The following INSR variants were observed in gnomAD, a reference collection of about 807,000 sequenced individuals.
INSR encodes the protein insulin receptor.
In INSR, 67 loss-of-function variants were observed where a neutral mutation model predicts 142.6. The observed-to-expected ratio is 0.47, with a 90% CI of 0.39 to 0.58. The LOEUF is 0.58. Ranked by LOEUF, INSR falls within the 20% of genes least tolerant of loss-of-function variation. The probability of loss-of-function intolerance (pLI) is 0.00; values close to 1 mark genes in which losing one functional copy is unlikely to be tolerated. For missense variants in INSR, 1,248 were observed against 1,833.2 expected (o/e 0.68, Z 5.83); for synonymous variants, 756 against 743.1 (o/e 1.02, Z -0.28).
Position 7,125,601 on chromosome 19 carries a change from T to C in INSR, c.3014-74A>G. ...CTGCAGCCACCTTCCACCCAAGCCC[T>C]CACCCAAACCCCCTCGAAAACACTC... On this transcript the variant is annotated intron_variant, in intron 16 of 21. Coordinates refer to ENST00000302850, the MANE Select transcript of INSR (RefSeq NM_000208.4). The surrounding 1 kb of genome is among the most constrained non-coding windows in gnomAD (Gnocchi z 4.9). 1 of 1,590,786 alleles carries C rather than the reference T, an allele frequency of 6.3e-7. No individual in the cohort carries two copies. Among genetic ancestry groups the C allele is most frequent in the Non-Finnish European group, 8.5e-7 (1 of 1,169,768 alleles).
At chr19:7,246,236 C>T (rs901196782) in intron 2 of INSR, among the ~76,000 whole-genome samples, 1 of 152,142 alleles carries the variant, frequency 6.6e-6, no homozygotes. Context: ...CCCAGCTCAC[C>T]TTAGCCAATG....
rs71177162 is a variant in INSR, at chr19:7,149,936, AGAAGGAAGGAAG to A, written c.2267+549_2267+560del. On this transcript the variant is annotated intron_variant, in intron 11 of 21. Transcript: ENST00000302850. ...AAGAAAGAAAGAAGGAAAAAAAGAA[AGAAGGAAGGAAG>A]GAAGGAAGGAAGGAAGGAAGGAAGG... is the stretch of plus-strand genomic sequence containing the variant. 2.9e-3 allele frequency among the ~76,000 whole-genome samples: 420 copies of A among 144,270 alleles called. 9 individuals carry two copies. Among genetic ancestry groups the A allele is most frequent in the African/African-American group, 9.6e-3 (373 of 38,754 alleles). 94.6% of individuals were successfully genotyped at this position (144,270 alleles called of 152,430 possible).
Position 7,225,252 on chromosome 19 carries a change from C to T in INSR, c.653-40615G>A, listed in dbSNP as rs1044405322. On this transcript the variant is annotated intron_variant, in intron 2 of 21. Transcript: ENST00000302850. This position sits in a 1 kb window ranked among gnomAD's most constrained non-coding sequence, Gnocchi z 4.7. ...TGAGCGGCCGAGCCACAAGAAGACACTTGCTCCATCAATGTTACTGTGGGC... is the reference window on the plus strand; with the variant it reads ...TGAGCGGCCGAGCCACAAGAAGACATTTGCTCCATCAATGTTACTGTGGGC... Among the ~76,000 whole-genome samples, 3 of 152,206 alleles carry T rather than the reference C, an allele frequency of 2.0e-5. No individual in the cohort carries two copies. Among genetic ancestry groups the T allele is most frequent in the Admixed American group, 2.0e-4 (3 of 15,280 alleles).
chr19:7,287,202 C>T (rs148707804), intron 1 of INSR, among the ~76,000 whole-genome samples: 1,783 of 148,758 alleles, frequency 0.012, 39 homozygotes, highest in African/African-American at 0.04. Context: ...CTCTGTCACC[C>T]AGGCTAGAGT....
At position 7,184,595 on chromosome 19, in the gene INSR, C is replaced by T. The variant is rs1352334101; in HGVS notation, c.695G>A (p.Gly232Asp). The change falls in exon 3 of 22, where the codon GGC becomes GAC. Residue 232 changes from glycine (G) to aspartate (D), a missense_variant. By Grantham distance (94) the Gly-to-Asp change is moderately conservative (BLOSUM62 -1). This residue lies in a region of INSR where 1,069 missense variants were observed against 1,654.0 expected (regional missense o/e 0.65). Transcript: ENST00000302850. ...CAGGCACTCGCTGTGGCAACAGAGG[C>T]CTTCGGCGGTGCAGCCGTGTGACTT... is the stretch of plus-strand genomic sequence containing the variant. ...ICKSHGCTAEGLCCHSECLGN... is the reference protein window; with the variant it reads ...ICKSHGCTAEDLCCHSECLGN... 1.9e-6 allele frequency: 3 copies of T among 1,612,630 alleles called. No individual in the cohort carries two copies. Among genetic ancestry groups the T allele is most frequent in the Non-Finnish European group, 2.5e-6 (3 of 1,179,942 alleles).
rs1191918633 is a variant in INSR, at chr19:7,149,829, A to G, written c.2267+668T>C. Among the ~76,000 whole-genome samples the G allele has an allele frequency of 2.6e-5, 4 of 151,778 alleles. No homozygotes were observed. The South Asian group carries it at 6.2e-4, about 24-fold the overall frequency. ...AAGAGTGAAATTCCATCCAAAAAAAAAAGAAGAAGGAAAGAAGGAAGGGAG... is the reference window on the plus strand; with the variant it reads ...AAGAGTGAAATTCCATCCAAAAAAAGAAGAAGAAGGAAAGAAGGAAGGGAG... On this transcript the variant is annotated intron_variant, in intron 11 of 21. Coordinates refer to ENST00000302850, the MANE Select transcript of INSR (RefSeq NM_000208.4).
intron 3 of INSR, among the ~76,000 whole-genome samples, chr19:7,180,977 G>A (rs192885918): frequency 4.6e-5 from 7 of 152,148 alleles, no homozygotes; most frequent in Admixed American, 3.3e-4. Context: ...GTCTCACTCT[G>A]TCACCGAGAC....
At chr19:7,156,449 C>A (rs1273720408) in intron 9 of INSR, among the ~76,000 whole-genome samples, 1 of 152,036 alleles carries the variant, frequency 6.6e-6, no homozygotes, top group Non-Finnish European at 1.5e-5. Flanking sequence ...GATTTTGTCT[C>A]CTACTAGGGA....
At position 7,294,393 on chromosome 19, in the gene INSR, C is replaced by A. The variant is rs1968585242; in HGVS notation, c.-502G>T. 2.6e-5 allele frequency among the ~76,000 whole-genome samples: 4 copies of A among 151,626 alleles called. No homozygotes were observed. In the South Asian group the frequency reaches 8.3e-4, roughly 31 times the overall value. On this transcript the variant is annotated 5_prime_UTR_variant, in exon 1 of 22. Coordinates refer to ENST00000302850, the MANE Select transcript of INSR (RefSeq NM_000208.4). ...CGTCAGCTGGGCCCCGTGCGGGCCG[C>A]GGGAAAAGGCGGCGCGGATCTGGCC...
intron 1 of INSR, among the ~76,000 whole-genome samples, chr19:7,269,398 C>CACAA (rs1287518506): frequency 8.2e-6 from 1 of 122,266 alleles, no homozygotes; most frequent in Non-Finnish European, 2.1e-5. Flanking sequence ...CACACACACA[C>CACAA]ACACACACAC....
intron 3 of INSR, among the ~76,000 whole-genome samples, chr19:7,180,739 T>C (rs549388291): frequency 4.5e-4 from 69 of 151,818 alleles, no homozygotes; most frequent in Non-Finnish European, 3.4e-4. Flanking sequence ...GAACAGCTAA[T>C]TGAAAGGCAC....
chr19:7,224,789 T>G (rs758426601), intron 2 of INSR, among the ~76,000 whole-genome samples: 5 of 152,032 alleles, frequency 3.3e-5, no homozygotes, highest in Non-Finnish European at 7.4e-5. Context: ...CAGGTGGGCT[T>G]TTGCAGAGAT....
At chr19:7,156,052 CTTTTTTTT>C (rs147889782) in intron 9 of INSR, among the ~76,000 whole-genome samples, 5 of 67,346 alleles carry the variant, frequency 7.4e-5, no homozygotes, top group Admixed American at 1.7e-4. Flanking sequence ...ATATGGAATT[CTTTTTTTT>C]TTTTTTTTTT....
intron 8 of INSR, among the ~76,000 whole-genome samples, chr19:7,165,245 G>A (rs1300768637): frequency 6.6e-6 from 1 of 150,776 alleles, no homozygotes; most frequent in Non-Finnish European, 1.5e-5. Flanking sequence ...GAGTCCAGAT[G>A]GCGCCACTGC....
chr19:7,281,370 G>T (rs552342054), intron 1 of INSR, among the ~76,000 whole-genome samples: 1 of 151,920 alleles, frequency 6.6e-6, no homozygotes, highest in African/African-American at 2.4e-5. Context: ...ACATACACAG[G>T]CAGTCAGAAA....
At position 7,216,414 on chromosome 19, in the gene INSR, C is replaced by T. The variant is rs568831240; in HGVS notation, c.653-31777G>A. Among the ~76,000 whole-genome samples, 67 of 152,260 alleles carry T rather than the reference C, an allele frequency of 4.4e-4. 1 individual carries two copies. The highest frequency in any genetic ancestry group is 1.5e-3 in the African/African-American group (64 of 41,540). On this transcript the variant is annotated intron_variant, in intron 2 of 21. Transcript: ENST00000302850. This position sits in a 1 kb window ranked among gnomAD's most constrained non-coding sequence, Gnocchi z 4.2. Reference sequence around the variant, plus strand: ...CGTCTTGGACCTCCGTGATGTTATGCGGTACAAATGAGACGGCCCCTGAAC... The same window carrying T: ...CGTCTTGGACCTCCGTGATGTTATGTGGTACAAATGAGACGGCCCCTGAAC...
intron 1 of INSR, chr19:7,268,684 C>G: frequency 1.3e-6 from 1 of 789,406 alleles, no homozygotes; most frequent in Non-Finnish European, 1.5e-6. Context: ...AGCACTCAAA[C>G]AGTGCCTGAG....
At chr19:7,186,684 ACTTT>A (rs1974440445) in intron 2 of INSR, among the ~76,000 whole-genome samples, 1 of 151,512 alleles carries the variant, frequency 6.6e-6, no homozygotes, top group African/African-American at 2.4e-5. Context: ...CTGCCATTTT[ACTTT>A]CTTTTTCTTT....
chr19:7,164,826 C>CAAA (rs35639305), intron 8 of INSR, among the ~76,000 whole-genome samples: 5 of 46,018 alleles, frequency 1.1e-4, no homozygotes, highest in Non-Finnish European at 1.8e-4. Context: ...AACTCCATCT[C>CAAA]AAAAAAAAAA....
Sources: gnomAD v4.1 joint callset for allele counts (sites outside exome capture counted in the v4.1 genomes callset) on GRCh38, gnomAD v4.1.1 for gene constraint, gnomAD v4.1.1 regional missense constraint, Gnocchi (gnomAD v3.1) non-coding constraint, MANE v1.5 for transcripts, NCBI Gene and HGNC (gene_info 2026-07-23, HGNC 2026-07-21) for gene names.